BSN: variants seen among roughly 807,000 people sequenced by gnomAD.
BSN encodes the protein bassoon presynaptic cytomatrix protein.
A neutral mutation model predicts 264.8 loss-of-function variants in BSN; 57 were observed. The ratio of observed to expected loss-of-function variants is 0.22; its 90% confidence interval spans 0.17 to 0.27. The LOEUF (loss-of-function observed/expected upper bound fraction) is 0.27, where lower values mean the gene tolerates loss of function less well. Ranked by LOEUF, BSN falls within the 10% of genes least tolerant of loss-of-function variation. The pLI is 1.00. For missense variants in BSN, 4,615 were observed against 5,232.5 expected, an observed-to-expected ratio of 0.88 and a Z score of 3.64; for synonymous variants, 2,059 against 2,137.3, an observed-to-expected ratio of 0.96 and a Z score of 1.01.
Position 49,654,779 on chromosome 3 carries a change from C to A in BSN, c.5223C>A (p.Phe1741Leu). 2 of 1,613,602 alleles carry A rather than the reference C, an allele frequency of 1.2e-6. No individual in the cohort carries two copies. The highest frequency in any genetic ancestry group is 4.5e-5 in the East Asian group (2 of 44,880). ...GCATCACCATGGCCTCGTCTGTGTTCATGGCTCAACAAAAGCAGCCTGTGG... is the reference window on the plus strand; with the variant it reads ...GCATCACCATGGCCTCGTCTGTGTTAATGGCTCAACAAAAGCAGCCTGTGG... ...TVSITMASSVFMAQQKQPVVY... is the reference protein window; with the variant it reads ...TVSITMASSVLMAQQKQPVVY... Residue 1741 changes from phenylalanine to leucine, a missense_variant, in exon 5 of 12, where the codon TTC becomes TTA. This residue lies in a region of BSN where 3,415 missense variants were observed against 3,866.4 expected (regional missense o/e 0.88). Transcript: ENST00000296452. The surrounding 1 kb of genome is among the most constrained non-coding windows in gnomAD (Gnocchi z 4.1).
intron 1 of BSN, among the ~76,000 whole-genome samples, chr3:49,610,584 CAAAAAAA>C (rs60726552): frequency 4.2e-5 from 3 of 71,190 alleles, no homozygotes; most frequent in South Asian, 7.3e-4. Flanking sequence ...AATTTCATCT[CAAAAAAA>C]AAAAAAAAAA....
intron 1 of BSN, among the ~76,000 whole-genome samples, chr3:49,572,855 T>A (rs1478709547): frequency 6.6e-6 from 1 of 152,128 alleles, no homozygotes; most frequent in Non-Finnish European, 1.5e-5. Context: ...CATGGGCTCC[T>A]CAGATCCCTC....
Position 49,671,153 on chromosome 3 carries a change from C to CGT in BSN, c.*3670_*3671dup, listed in dbSNP as rs1339815920. 231 of 51,628 alleles carry CGT rather than the reference C, an allele frequency of 4.5e-3. 1 individual carries two copies. Among genetic ancestry groups the CGT allele is most frequent in the South Asian group, 0.024 (16 of 672 alleles). 3.2% of individuals were successfully genotyped at this position (51,628 alleles called of 1,614,324 possible). A position where few individuals can be genotyped will look rare whatever the true frequency, so the allele number is the denominator to read the frequency against. On this transcript the variant is annotated 3_prime_UTR_variant, in exon 12 of 12. Coordinates refer to ENST00000296452, the MANE Select transcript of BSN (RefSeq NM_003458.4). The surrounding 1 kb of genome is among the most constrained non-coding windows in gnomAD (Gnocchi z 4.1). Reference sequence around the variant, plus strand: ...GATCATGTGTGTATGTGCGTGCGTGCGTGCGTGTGTGTGTGTGTGTGTGTT... The same window carrying CGT: ...GATCATGTGTGTATGTGCGTGCGTGCGTGTGCGTGTGTGTGTGTGTGTGTGTT...
At chr3:49,633,006 C>CT (rs2052393004) in intron 2 of BSN, among the ~76,000 whole-genome samples, 1 of 152,104 alleles carries the variant, frequency 6.6e-6, no homozygotes, top group Admixed American at 6.6e-5. Context: ...TAATAACTCC[C>CT]TAAAAGATAC....
At chr3:49,555,060 G>C (rs1316514099) in intron 1 of BSN, among the ~76,000 whole-genome samples, 1 of 152,204 alleles carries the variant, frequency 6.6e-6, no homozygotes, top group Non-Finnish European at 1.5e-5. Context: ...TGCAGACCGT[G>C]ACTCCGTCAC....
At chr3:49,643,571 C>T (rs763528972) in intron 3 of BSN, among the ~76,000 whole-genome samples, 1 of 152,182 alleles carries the variant, frequency 6.6e-6, no homozygotes, top group Non-Finnish European at 1.5e-5. Context: ...CAGAGGGTTG[C>T]GTCCCACATC....
chr3:49,634,977 G>A (rs1009409016), intron 2 of BSN, among the ~76,000 whole-genome samples: 2 of 152,178 alleles, frequency 1.3e-5, no homozygotes, highest in African/African-American at 4.8e-5. Flanking sequence ...GTGGCAGAGG[G>A]GGCTGAGGCT....
rs2052562329 is a variant in BSN, at chr3:49,653,422, A to G, written c.3866A>G (p.Gln1289Arg). 1.9e-6 allele frequency: 3 copies of G among 1,614,018 alleles called. No homozygotes were observed. Among genetic ancestry groups the G allele is most frequent in the Non-Finnish European group, 2.5e-6 (3 of 1,180,008 alleles). Reference protein sequence around the residue: ...AFAEDKKKEKQFLNAESAYMD... With the variant: ...AFAEDKKKEKRFLNAESAYMD... ...GCTGAGGACAAAAAGAAGGAGAAGC[A>G]GTTTCTAAATGCTGAGAGTGCATAC... Residue 1289 changes from glutamine (Q) to arginine (R), a missense_variant, in exon 5 of 12, where the codon CAG becomes CGG. Gln to Arg is a conservative substitution (Grantham distance 43). Transcript: ENST00000296452. The surrounding 1 kb of genome is among the most constrained non-coding windows in gnomAD (Gnocchi z 6.3).
At chr3:49,617,280 ACATTATATATAT>A (rs2052266878) in intron 1 of BSN, among the ~76,000 whole-genome samples, 1 of 63,952 alleles carries the variant, frequency 1.6e-5, no homozygotes, top group African/African-American at 5.8e-5. Context: ...AAAATAAAAT[ACATTATATATAT>A]ATATATATAT....
At chr3:49,603,108 A>G (rs2052084855) in intron 1 of BSN, among the ~76,000 whole-genome samples, 1 of 152,020 alleles carries the variant, frequency 6.6e-6, no homozygotes, top group African/African-American at 2.4e-5. Flanking sequence ...ATCTGTGGCC[A>G]GGGCTGGGCC....
chr3:49,643,990 G>A (rs1466313210), intron 3 of BSN, among the ~76,000 whole-genome samples: 1 of 152,216 alleles, frequency 6.6e-6, no homozygotes, highest in Non-Finnish European at 1.5e-5. Context: ...TGCCCTGGCA[G>A]AATTAGACCA....
At position 49,642,154 on chromosome 3, in the gene BSN, G is replaced by T; in HGVS notation, c.634-114G>T. ...GCCCAGAAATGCCTGAGCAGGGCTTGGTGCTCCTGCCTGTGCTAGGAGTGG... is the reference window on the plus strand; with the variant it reads ...GCCCAGAAATGCCTGAGCAGGGCTTTGTGCTCCTGCCTGTGCTAGGAGTGG... On this transcript the variant is annotated intron_variant, in intron 2 of 11. Coordinates refer to ENST00000296452, the MANE Select transcript of BSN (RefSeq NM_003458.4). The surrounding 1 kb of genome is among the most constrained non-coding windows in gnomAD (Gnocchi z 7.0). 1 of 818,524 alleles carries T rather than the reference G, an allele frequency of 1.2e-6. No homozygotes were observed. 50.7% of individuals were successfully genotyped at this position (818,524 alleles called of 1,614,324 possible). A position where few individuals can be genotyped will look rare whatever the true frequency, so the allele number is the denominator to read the frequency against.
chr3:49,613,164 G>A (rs1299830928), intron 1 of BSN, among the ~76,000 whole-genome samples: 1 of 151,618 alleles, frequency 6.6e-6, no homozygotes, highest in East Asian at 1.9e-4. Flanking sequence ...AACAAAAAAG[G>A]CCAGACTGAA....
At position 49,662,285 on chromosome 3, in the gene BSN, C is replaced by A; in HGVS notation, c.10440C>A (p.Gly3480=). ...CTGTGGAGCGACTTCAAAAAGCGGG[C>A]CCCAAGCCCTCATCCCTAAGTATGG... ...REAVERLQKA[G]PKPSSLSMAH... The change falls in exon 6 of 12, where the codon GGC becomes GGA. Residue 3480 remains glycine, a synonymous_variant. Coordinates refer to ENST00000296452, the MANE Select transcript of BSN (RefSeq NM_003458.4). The A allele has an allele frequency of 6.2e-7, 1 of 1,613,892 alleles. No individual in the cohort carries two copies. The highest frequency in any genetic ancestry group is 8.5e-7 in the Non-Finnish European group (1 of 1,179,934).
Sources: gnomAD v4.1 joint callset for allele counts (sites outside exome capture counted in the v4.1 genomes callset) on GRCh38, gnomAD v4.1.1 for gene constraint, gnomAD v4.1.1 regional missense constraint, Gnocchi (gnomAD v3.1) non-coding constraint, MANE v1.5 for transcripts, NCBI Gene and HGNC (gene_info 2026-07-23, HGNC 2026-07-21) for gene names.